The following TMC2 variants were observed in gnomAD, a reference collection of about 807,000 sequenced individuals.
TMC2 encodes the protein transmembrane channel like 2, also known as transmembrane channel-like protein 2.
In TMC2, 102 loss-of-function variants were observed where a neutral mutation model predicts 105.9. The ratio of observed to expected loss-of-function variants is 0.96; its 90% CI spans 0.82 to 1.14. The LOEUF (loss-of-function observed/expected upper bound fraction) is 1.14, where lower values mean the gene tolerates loss of function less well. Among genes scored for constraint, TMC2 ranks in the 50% most tolerant of loss-of-function variants. The probability of loss-of-function intolerance (pLI) is 0.00; values close to 1 mark genes in which losing one functional copy is unlikely to be tolerated. For missense variants in TMC2, 1,093 were observed against 1,134.3 expected, an observed-to-expected ratio of 0.96 and a Z score of 0.52; for synonymous variants, 402 against 422.8, an observed-to-expected ratio of 0.95 and a Z score of 0.60.
chr20:2,611,879 T>G (rs1387541978), intron 12 of TMC2, among the ~76,000 whole-genome samples: 3 of 91,834 alleles, frequency 3.3e-5, no homozygotes, highest in Admixed American at 2.3e-4. Context: ...GGTGGGTGGG[T>G]GGGTGGGTGG....
At chr20:2,576,614 A>G (rs2086146588) in intron 5 of TMC2, among the ~76,000 whole-genome samples, 1 of 152,364 alleles carries the variant, frequency 6.6e-6, no homozygotes, top group South Asian at 2.1e-4. Context: ...AATAAAGCTT[A>G]TGAGACTGCT....
At chr20:2,605,969 T>C (rs1241487544) in intron 11 of TMC2, among the ~76,000 whole-genome samples, 1 of 152,208 alleles carries the variant, frequency 6.6e-6, no homozygotes, top group African/African-American at 2.4e-5. Flanking sequence ...TGAAGCATTG[T>C]AGATGGTAGT....
chr20:2,620,885 G>A (rs2146253227), intron 16 of TMC2, among the ~76,000 whole-genome samples: 1 of 152,300 alleles, frequency 6.6e-6, no homozygotes, highest in East Asian at 1.9e-4. Flanking sequence ...GCTTGGAACT[G>A]GTGATTCCTT....
At chr20:2,621,202 G>T (rs1416774265) in intron 16 of TMC2, among the ~76,000 whole-genome samples, 4 of 151,788 alleles carry the variant, frequency 2.6e-5, no homozygotes, top group Non-Finnish European at 5.9e-5. Context: ...TTCTACTAAA[G>T]ATACAAAAAA....
chr20:2,563,173 C>A (rs1332950090), intron 4 of TMC2, among the ~76,000 whole-genome samples: 2 of 152,100 alleles, frequency 1.3e-5, no homozygotes, highest in South Asian at 4.1e-4. Context: ...AACTCCTCAC[C>A]CTTTATTAAG....
chr20:2,591,085 A>AT (rs11087504), intron 7 of TMC2, among the ~76,000 whole-genome samples: 33,315 of 151,702 alleles, frequency 0.22, 3,958 homozygotes, highest in African/African-American at 0.31. Context: ...TCCATTTCTG[A>AT]TTTTTTTTAC....
At chr20:2,552,144 C>G (rs2085960568) in intron 2 of TMC2, among the ~76,000 whole-genome samples, 1 of 152,052 alleles carries the variant, frequency 6.6e-6, no homozygotes, top group Non-Finnish European at 1.5e-5. Context: ...TGTAGTCCCC[C>G]CTACTTGGGA....
chr20:2,607,330 T>C (rs1327742336), intron 11 of TMC2, among the ~76,000 whole-genome samples: 1 of 152,114 alleles, frequency 6.6e-6, no homozygotes, highest in Non-Finnish European at 1.5e-5. Flanking sequence ...ATCTAGACCT[T>C]CCCATTCCTT....
At chr20:2,556,073 A>ATTATATT (rs201628102) in intron 2 of TMC2, among the ~76,000 whole-genome samples, 3,189 of 152,228 alleles carry the variant, frequency 0.021, 47 homozygotes, top group South Asian at 0.055. Flanking sequence ...AAAAAGAAGG[A>ATTATATT]TTTTATTTTT....
intron 12 of TMC2, 143 bp downstream of exon 12, chr20:2,610,741 T>C (rs1395035722): frequency 4.6e-6 from 2 of 432,114 alleles, no homozygotes; most frequent in African/African-American, 4.2e-5. Flanking sequence ...AAAAAACTCC[T>C]TGGACTCTAT....
chr20:2,575,588 A>G (rs1351537070), intron 5 of TMC2, among the ~76,000 whole-genome samples: 2 of 152,232 alleles, frequency 1.3e-5, no homozygotes, highest in Non-Finnish European at 2.9e-5. Flanking sequence ...CATGTTGTTA[A>G]GTGTAAACAT....
At chr20:2,589,598 A>G (rs987338820) in intron 7 of TMC2, among the ~76,000 whole-genome samples, 2 of 152,000 alleles carry the variant, frequency 1.3e-5, no homozygotes, top group African/African-American at 4.8e-5. Context: ...ATGATTGTCC[A>G]CTTGTCTAGT....
chr20:2,575,682 T>C (rs543481076), intron 5 of TMC2, among the ~76,000 whole-genome samples: 3 of 152,272 alleles, frequency 2.0e-5, no homozygotes, highest in Admixed American at 6.5e-5. Context: ...TAGTTCTAGC[T>C]TCCCCCTTAG....
chr20:2,574,361 A>G (rs1406314236), intron 5 of TMC2, among the ~76,000 whole-genome samples: 1 of 152,240 alleles, frequency 6.6e-6, no homozygotes, highest in African/African-American at 2.4e-5. Context: ...CATGTGCAGT[A>G]TCTTGGCAGA....
intron 9 of TMC2, among the ~76,000 whole-genome samples, chr20:2,595,975 G>C (rs944048716): frequency 6.6e-6 from 1 of 152,216 alleles, no homozygotes; most frequent in African/African-American, 2.4e-5. Flanking sequence ...AAAGAACAAG[G>C]AGACAGGCTT....
At chr20:2,617,349 C>A in intron 16 of TMC2, 38 bp downstream of exon 16, 2 of 1,612,560 alleles carry the variant, frequency 1.2e-6, no homozygotes, top group South Asian at 1.1e-5. Context: ...CCTCCCCTCC[C>A]GAGGCAGTCT....
At chr20:2,564,168 T>TTTTGG (rs2086047285) in intron 4 of TMC2, among the ~76,000 whole-genome samples, 1 of 148,444 alleles carries the variant, frequency 6.7e-6, no homozygotes, top group African/African-American at 2.5e-5. Flanking sequence ...TTTTTTTTTT[T>TTTTGG]GAGATGGAGT....
At chr20:2,639,953 A>T (rs2086676620) in intron 19 of TMC2, among the ~76,000 whole-genome samples, 1 of 152,150 alleles carries the variant, frequency 6.6e-6, no homozygotes, top group South Asian at 2.1e-4. Flanking sequence ...AGTGAATGAG[A>T]TGCATAAGGA....
chr20:2,638,273 G>A (rs900035687), intron 19 of TMC2, among the ~76,000 whole-genome samples: 7 of 151,184 alleles, frequency 4.6e-5, no homozygotes, highest in South Asian at 2.1e-4. Context: ...CCCGGGAGGC[G>A]GAGCTTGCAG....
Sources: allele counts gnomAD v4.1 joint callset (sites outside exome capture counted in the v4.1 genomes callset), GRCh38; gene constraint gnomAD v4.1.1; transcripts MANE v1.5; gene names NCBI Gene and HGNC (gene_info 2026-07-23, HGNC 2026-07-21).